SERINC5: variants seen among roughly 807,000 people sequenced by gnomAD.
SERINC5 encodes chromosome 5 open reading frame 12.
In SERINC5, 41 loss-of-function variants were observed where a neutral mutation model predicts 63.1. The ratio of observed to expected loss-of-function variants is 0.65; its 90% CI spans 0.51 to 0.84. The LOEUF (loss-of-function observed/expected upper bound fraction) is 0.84, where lower values mean the gene tolerates loss of function less well. Among genes scored for constraint, SERINC5 ranks in the 40% least tolerant of loss-of-function variants. The pLI is 0.00. For synonymous variants in SERINC5, 222 were observed against 215.2 expected (o/e 1.03, Z -0.28); for missense variants, 523 against 573.0 (o/e 0.91, Z 0.89).
intron 2 of SERINC5, among the ~76,000 whole-genome samples, chr5:80,192,014 A>G (rs3087814): frequency 0.024 from 3,589 of 152,294 alleles, 143 homozygotes; most frequent in African/African-American, 0.082. Flanking sequence ...CTAGCCTCCT[A>G]GTTTTATTGG....
chr5:80,233,279 T>C (rs1242905075), intron 1 of SERINC5, among the ~76,000 whole-genome samples: 1 of 151,688 alleles, frequency 6.6e-6, no homozygotes, highest in Admixed American at 6.6e-5. Context: ...TACAAAAGAT[T>C]AGCAGGGCAT....
At position 80,189,706 on chromosome 5, in the gene SERINC5, C is replaced by CT. The variant is rs1052118443; in HGVS notation, c.196-11643dup. 2.2e-4 allele frequency among the ~76,000 whole-genome samples: 34 copies of CT among 151,558 alleles called. 1 individual carries two copies. Among genetic ancestry groups the CT allele is most frequent in the South Asian group, 1.3e-3 (6 of 4,786 alleles). On this transcript the variant is annotated intron_variant, in intron 2 of 11. Transcript: ENST00000507668. The stretch of plus-strand genomic sequence containing the variant: ...AAGTGAGCCTCAAATCTGCTAGTTT[C>CT]TTTTTTTTTCTTTTCTTTTAATAGA...
chr5:80,125,505 G>A (rs531972420), intron 11 of SERINC5, among the ~76,000 whole-genome samples: 6 of 152,170 alleles, frequency 3.9e-5, no homozygotes, highest in Non-Finnish European at 8.8e-5. Flanking sequence ...TTTGACATGA[G>A]CTATATTGGA....
At chr5:80,116,790 C>T (rs997197149) in intron 11 of SERINC5, among the ~76,000 whole-genome samples, 1 of 151,842 alleles carries the variant, frequency 6.6e-6, no homozygotes, top group South Asian at 2.1e-4. Flanking sequence ...ATTCCACCCC[C>T]ACTGGCTCAA....
rs1001935769 is a variant in SERINC5, at chr5:80,255,779, C to G, written c.27+117G>C. On this transcript the variant is annotated intron_variant, in intron 1 of 11. Transcript: ENST00000507668. The stretch of plus-strand genomic sequence containing the variant: ...CGCGGGGCCAGCCCGAGCGACCCAC[C>G]CGGGCCCTACGTTCGGCCGCGGAGC... The G allele has an allele frequency of 3.6e-6, 4 of 1,105,072 alleles. No homozygotes were observed. In the African/African-American group the frequency reaches 6.5e-5, roughly 18 times the overall value. The allele number at this position is 1,105,072 out of a possible 1,614,324, so 68.5% of individuals were successfully genotyped here. A position where few individuals can be genotyped will look rare whatever the true frequency, so the allele number is the denominator to read the frequency against.
chr5:80,184,649 G>T (rs1748687562), intron 2 of SERINC5, among the ~76,000 whole-genome samples: 1 of 152,126 alleles, frequency 6.6e-6, no homozygotes, highest in Non-Finnish European at 1.5e-5. Context: ...AGTATTTTTG[G>T]GCAAAGAACC....
chr5:80,224,942 T>C (rs1179364449), intron 1 of SERINC5, among the ~76,000 whole-genome samples: 1 of 102,912 alleles, frequency 9.7e-6, no homozygotes, highest in Non-Finnish European at 2.0e-5. Context: ...TTTGTTTTTT[T>C]TTGTTTTTTT....
At chr5:80,138,684 G>T, downstream of SERINC5, 1 of 332,278 alleles carries the variant, frequency 3.0e-6, no homozygotes, top group Non-Finnish European at 4.3e-6. Flanking sequence ...TAATTAGCAT[G>T]ATTTGGCTAT....
chr5:80,135,649 C>A (rs1015179040), downstream of SERINC5, among the ~76,000 whole-genome samples: 1 of 151,926 alleles, frequency 6.6e-6, no homozygotes, highest in African/African-American at 2.4e-5. Context: ...GGACGATGGA[C>A]GTGGCAACAT....
At chr5:80,234,057 G>A (rs747838447) in intron 1 of SERINC5, among the ~76,000 whole-genome samples, 22 of 152,058 alleles carry the variant, frequency 1.4e-4, no homozygotes, top group Non-Finnish European at 2.4e-4. Flanking sequence ...TGATCCGTCC[G>A]TCTCAGCCTC....
chr5:80,242,289 T>C (rs1012261037), intron 1 of SERINC5, among the ~76,000 whole-genome samples: 1 of 152,300 alleles, frequency 6.6e-6, no homozygotes. Flanking sequence ...GGTATGGCTA[T>C]ATTAGTATCT....
chr5:80,117,912 C>T (rs1744396408), intron 11 of SERINC5, among the ~76,000 whole-genome samples: 1 of 151,714 alleles, frequency 6.6e-6, no homozygotes, highest in Admixed American at 6.6e-5. Flanking sequence ...CTTATAAAAA[C>T]ACTTGTCATG....
In SERINC5 at chr5:80,254,458, G is replaced by C. The variant is rs528504805; in HGVS notation, c.27+1438C>G. ...ACCCATTTGAATACTGGTAATTACA[G>C]AGCTCTAAATTAGGAACTTGGGAAT... On this transcript the variant is annotated intron_variant, in intron 1 of 11. Coordinates refer to ENST00000507668, the MANE Select transcript of SERINC5 (RefSeq NM_001174072.3). Among the ~76,000 whole-genome samples the C allele has an allele frequency of 7.9e-5, 12 of 152,292 alleles. No individual in the cohort carries two copies. The South Asian group carries it at 2.5e-3, about 32-fold the overall frequency.
Position 80,155,798 on chromosome 5 carries a change from G to A in SERINC5, c.986+3038C>T, listed in dbSNP as rs540395435. On this transcript the variant is annotated intron_variant, in intron 8 of 11. Transcript: ENST00000507668. ...CAGAGAACTCCCACAAGTGGACCAAGGTTAGGGCTTACATGGGGTCCAAGC... is the reference window on the plus strand; with the variant it reads ...CAGAGAACTCCCACAAGTGGACCAAAGTTAGGGCTTACATGGGGTCCAAGC... 1.1e-4 allele frequency among the ~76,000 whole-genome samples: 17 copies of A among 152,160 alleles called. No homozygotes were observed. In the South Asian group the frequency reaches 3.5e-3, roughly 32 times the overall value.
chr5:80,226,238 T>C lies in SERINC5; in HGVS notation c.28-23185A>G, dbSNP rs183022678. Among the ~76,000 whole-genome samples, 21 of 152,308 alleles carry C rather than the reference T, an allele frequency of 1.4e-4. No individual in the cohort carries two copies. The East Asian group carries it at 3.9e-3, about 28-fold the overall frequency. ...TGCCTGGCTAATTTTTTGTATTTTT[T>C]AGTAGAGACGGGGTTTTGCCATGTT... On this transcript the variant is annotated intron_variant, in intron 1 of 11. Coordinates refer to ENST00000507668, the MANE Select transcript of SERINC5 (RefSeq NM_001174072.3).
In SERINC5 at chr5:80,142,095, T is replaced by C. The variant is rs1470320294; in HGVS notation, c.*1568A>G. ...AAAAAAATGACTAGGCTGAGCCTTTTATTCTTAGATCCTCACTTACAGAGA... is the reference window on the plus strand; with the variant it reads ...AAAAAAATGACTAGGCTGAGCCTTTCATTCTTAGATCCTCACTTACAGAGA... On this transcript the variant is annotated 3_prime_UTR_variant, in exon 12 of 12. Coordinates refer to ENST00000507668, the MANE Select transcript of SERINC5 (RefSeq NM_001174072.3). 2.0e-6 allele frequency: 2 copies of C among 985,306 alleles called. No individual in the cohort carries two copies. Among genetic ancestry groups the C allele is most frequent in the African/African-American group, 3.5e-5 (2 of 57,236 alleles). The allele number at this position is 985,306 out of a possible 1,614,324, so 61.0% of individuals were successfully genotyped here.
At chr5:80,217,251 A>T (rs1391328043) in intron 1 of SERINC5, among the ~76,000 whole-genome samples, 1 of 152,212 alleles carries the variant, frequency 6.6e-6, no homozygotes, top group African/African-American at 2.4e-5. Context: ...TCTACTTTAT[A>T]AATAGTAGCT....
intron 1 of SERINC5, among the ~76,000 whole-genome samples, chr5:80,227,416 C>T (rs1008863571): frequency 6.6e-5 from 10 of 151,946 alleles, no homozygotes; most frequent in East Asian, 5.8e-4. Flanking sequence ...GCTATGGTGC[C>T]GTCTCTAGAG....
intron 7 of SERINC5, among the ~76,000 whole-genome samples, chr5:80,161,048 A>ATATATATATGTG (rs1554061929): frequency 6.7e-6 from 1 of 149,628 alleles, no homozygotes; most frequent in Admixed American, 6.7e-5. Flanking sequence ...ATATATATAT[A>ATATATATATGTG]TGTATGTATG....
Sources: gnomAD v4.1 joint callset for allele counts (sites outside exome capture counted in the v4.1 genomes callset) on GRCh38, gnomAD v4.1.1 for gene constraint, MANE v1.5 for transcripts, NCBI Gene and HGNC (gene_info 2026-07-23, HGNC 2026-07-21) for gene names.